The following HDAC8 variants were observed in gnomAD, a reference collection of about 807,000 sequenced individuals.
HDAC8 encodes histone deacetylase-like 1.
A neutral mutation model predicts 32.2 loss-of-function variants in HDAC8; 1 was observed. The observed-to-expected ratio is 0.03, with a 90% CI of 0.01 to 0.15. The LOEUF (loss-of-function observed/expected upper bound fraction) is 0.15. Among genes scored for constraint, HDAC8 ranks in the 10% least tolerant of loss-of-function variants. HDAC8 has a pLI of 1.00. For missense variants in HDAC8, 117 were observed against 300.0 expected (o/e 0.39, Z 4.51); for synonymous variants, 108 against 113.9 (o/e 0.95, Z 0.33).
chrX:72,467,994 G>A, intron 7 of HDAC8: 1 of 1,192,553 alleles, frequency 8.4e-7, no homozygotes, highest in South Asian at 1.9e-5. Flanking sequence ...TCCTCAAGGA[G>A]TTCTGATAAA....
At chrX:72,338,134 G>A (rs1479624110) in intron 10 of HDAC8, among the ~76,000 whole-genome samples, 1 of 111,405 alleles carries the variant, frequency 9.0e-6, no homozygotes, top group African/African-American at 3.3e-5. Flanking sequence ...CATCTTGTGT[G>A]TTTGTTTCTT....
rs374885534 is a variant in HDAC8, at chrX:72,567,897, A to G, written c.429T>C (p.His143=). Reference sequence around the variant, plus strand: ...AAAGGTCATTTTCTTACTTCTTTGCATGATGCCACCCTCCAGACCAGTTAA... The same window carrying G: ...AAAGGTCATTTTCTTACTTCTTTGCGTGATGCCACCCTCCAGACCAGTTAA... The part of the protein sequence containing the change: ...VAINWSGGWH[H]AKKDEASGFC... Residue 143 remains histidine, a synonymous_variant, in exon 4 of 11, where the codon CAT becomes CAC. Coordinates refer to ENST00000373573, the MANE Select transcript of HDAC8 (RefSeq NM_018486.3). 46 of 1,210,273 alleles carry G rather than the reference A, an allele frequency of 3.8e-5. No individual in the cohort carries two copies. Among genetic ancestry groups the G allele is most frequent in the Non-Finnish European group, 5.0e-5 (45 of 895,318 alleles).
intron 9 of HDAC8, among the ~76,000 whole-genome samples, chrX:72,357,797 G>A (rs898013795): frequency 2.1e-4 from 24 of 112,093 alleles, no homozygotes; most frequent in African/African-American, 7.8e-4. Flanking sequence ...TCCACCCACA[G>A]ATTTAATGCC....
At position 72,462,199 on chromosome X, in the gene HDAC8, C is replaced by T; in HGVS notation, c.911-101G>A. The stretch of plus-strand genomic sequence containing the variant: ...GAGAGAAAAATGTTTTAAGAAAAGA[C>T]AACCTCAAATTGCAGAATTTCCCCT... On this transcript the variant is annotated intron_variant, in intron 8 of 10. Coordinates refer to ENST00000373573, the MANE Select transcript of HDAC8 (RefSeq NM_018486.3). 3 of 652,196 alleles carry T rather than the reference C, an allele frequency of 4.6e-6. No homozygotes were observed. The Middle Eastern group carries it at 1.1e-3, about 235-fold the overall frequency. The allele number at this position is 652,196 out of a possible 1,213,427, so 53.7% of individuals were successfully genotyped here.
At chrX:72,437,303 T>C (rs1483859612) in intron 9 of HDAC8, among the ~76,000 whole-genome samples, 1 of 111,882 alleles carries the variant, frequency 8.9e-6, no homozygotes, top group Non-Finnish European at 1.9e-5. Flanking sequence ...TGGTGCATTA[T>C]GGCCCAGATA....
chrX:72,472,371 T>G (rs1458651326), intron 7 of HDAC8, among the ~76,000 whole-genome samples: 1 of 112,059 alleles, frequency 8.9e-6, no homozygotes, highest in Non-Finnish European at 1.9e-5. Flanking sequence ...CCGGCCCAAC[T>G]TTATTCTTTT....
rs782711621 is a variant in HDAC8, at chrX:72,534,026, AAAAG to A, written c.437+33859_437+33862del. Among the ~76,000 whole-genome samples, 357 of 110,499 alleles carry A rather than the reference AAAAG, an allele frequency of 3.2e-3. 2 individuals are homozygous for A. The highest frequency in any genetic ancestry group is 0.011 in the African/African-American group (333 of 30,448). ...CAGGGCAATTTGGCAAGAAGAAAAA[AAAAG>A]AAAGAAAAGAAAGGCATCCAAAATA... On this transcript the variant is annotated intron_variant, in intron 4 of 10. Coordinates refer to ENST00000373573, the MANE Select transcript of HDAC8 (RefSeq NM_018486.3).
At chrX:72,403,128 T>C (rs1433657410) in intron 9 of HDAC8, among the ~76,000 whole-genome samples, 1 of 112,209 alleles carries the variant, frequency 8.9e-6, no homozygotes, top group Non-Finnish European at 1.9e-5. Flanking sequence ...TTTGATTAGA[T>C]TGTTTAATCT....
chrX:72,484,121 A>AT (rs1253222079), intron 7 of HDAC8, among the ~76,000 whole-genome samples: 25 of 112,528 alleles, frequency 2.2e-4, no homozygotes, highest in Admixed American at 1.8e-3. Context: ...CAGTCTCTGA[A>AT]TTTTTTTTAA....
intron 9 of HDAC8, among the ~76,000 whole-genome samples, chrX:72,370,260 C>A (rs2082250287): frequency 8.9e-6 from 1 of 112,180 alleles, no homozygotes; most frequent in Non-Finnish European, 1.9e-5. Flanking sequence ...TTCTTTGGAG[C>A]CTGATTTGAA....
chrX:72,484,796 A>G (rs1359417459), intron 7 of HDAC8, among the ~76,000 whole-genome samples: 3 of 112,079 alleles, frequency 2.7e-5, no homozygotes, highest in Non-Finnish European at 3.8e-5. Context: ...GCAAGGTCAT[A>G]CTTGTTAGTG....
intron 9 of HDAC8, among the ~76,000 whole-genome samples, chrX:72,413,584 T>A (rs1385739099): frequency 9.0e-6 from 1 of 110,659 alleles, no homozygotes; most frequent in East Asian, 2.9e-4. Flanking sequence ...GAATTGTAGT[T>A]CCCATAATCC....
rs2047884101 is a variant in HDAC8 at position 72,462,111 on chromosome X, A to G, written c.911-13T>C. The G allele has an allele frequency of 1.7e-6, 2 of 1,151,326 alleles. No individual in the cohort carries two copies. Among genetic ancestry groups the G allele is most frequent in the Admixed American group, 2.2e-5 (1 of 45,760 alleles). 94.9% of individuals were successfully genotyped at this position (1,151,326 alleles called of 1,213,427 possible). A position where few individuals can be genotyped will look rare whatever the true frequency, so the allele number is the denominator to read the frequency against. On this transcript the variant is annotated splice_polypyrimidine_tract_variant and intron_variant, in intron 8 of 10. Transcript: ENST00000373573. ...AGGTTATAGCCTCCTGTCTCCATCA[A>G]GAATTGTGAAGTTAGGAAAGAATAG...
chrX:72,515,442 A>G (rs1556024369), intron 4 of HDAC8, among the ~76,000 whole-genome samples: 11 of 110,115 alleles, frequency 1.0e-4, no homozygotes, highest in Non-Finnish European at 2.1e-4. Flanking sequence ...GGCTTACTTA[A>G]CAGCAGGGCA....
chrX:72,387,360 A>G (rs1168695992), intron 9 of HDAC8, among the ~76,000 whole-genome samples: 5 of 112,276 alleles, frequency 4.5e-5, no homozygotes, highest in African/African-American at 1.3e-4. Flanking sequence ...GCAGGAGGAA[A>G]GGGAAAGATG....
At chrX:72,478,534 G>A (rs1304744842) in intron 7 of HDAC8, among the ~76,000 whole-genome samples, 3 of 111,723 alleles carry the variant, frequency 2.7e-5, no homozygotes, top group Non-Finnish European at 5.6e-5. Context: ...AATGGCACTT[G>A]CATCACCTCC....
At chrX:72,564,237 C>T (rs913751499) in intron 4 of HDAC8, among the ~76,000 whole-genome samples, 3 of 111,968 alleles carry the variant, frequency 2.7e-5, no homozygotes, top group African/African-American at 9.7e-5. Flanking sequence ...CAATGTTTTC[C>T]AGTTGTCCTT....
chrX:72,544,003 A>C (rs1556047103), intron 4 of HDAC8, among the ~76,000 whole-genome samples: 1 of 112,335 alleles, frequency 8.9e-6, no homozygotes, highest in East Asian at 2.8e-4. Flanking sequence ...CTATGCTGTG[A>C]CTGGGGTAAA....
At chrX:72,474,393 A>G (rs1555999329) in intron 7 of HDAC8, 1 of 907,905 alleles carries the variant, frequency 1.1e-6, no homozygotes, top group African/African-American at 2.1e-5. Context: ...CATTAAATGA[A>G]TACATGAATG....
Sources: gnomAD v4.1 joint callset for allele counts (sites outside exome capture counted in the v4.1 genomes callset) on GRCh38, gnomAD v4.1.1 for gene constraint, MANE v1.5 for transcripts, NCBI Gene and HGNC (gene_info 2026-07-23, HGNC 2026-07-21) for gene names.